The following POLD3 variants were observed in gnomAD, a reference collection of about 807,000 sequenced individuals.
POLD3 encodes the protein DNA polymerase delta subunit 3.
In POLD3, 19 loss-of-function variants were observed where a neutral mutation model predicts 58.2. The ratio of observed to expected loss-of-function variants is 0.33; its 90% confidence interval spans 0.23 to 0.48. POLD3 has a LOEUF of 0.48. POLD3 is among the 20% of genes least tolerant of loss of function. The pLI, the probability that POLD3 is intolerant of heterozygous loss-of-function variation, is 0.99. For missense variants in POLD3, 504 were observed against 545.5 expected, an observed-to-expected ratio of 0.92 and a Z score of 0.76; for synonymous variants, 172 against 193.5, an observed-to-expected ratio of 0.89 and a Z score of 0.92.
At chr11:74,644,326 A>G (rs2032974201), downstream of POLD3, among the ~76,000 whole-genome samples, 1 of 152,156 alleles carries the variant, frequency 6.6e-6, no homozygotes, top group African/African-American at 2.4e-5. Flanking sequence ...CCAGGATCTC[A>G]GTATGCTGTA....
chr11:74,631,529 G>A (rs1310960203), intron 9 of POLD3, among the ~76,000 whole-genome samples: 1 of 146,500 alleles, frequency 6.8e-6, no homozygotes, highest in Non-Finnish European at 1.5e-5. Context: ...GCCCAGGCTG[G>A]AGTGCAGTGG....
chr11:74,631,777 C>T (rs767521776), intron 9 of POLD3, among the ~76,000 whole-genome samples: 37 of 152,188 alleles, frequency 2.4e-4, no homozygotes, highest in African/African-American at 3.9e-4. Flanking sequence ...CCACTGCGCC[C>T]GTCCTGTTTT....
chr11:74,641,734 C>G lies in POLD3; in HGVS notation c.*968C>G. The stretch of plus-strand genomic sequence containing the variant: ...CAGAATATTCAAAAACAGCACTTTT[C>G]CAGGAAGTTAGTGAGGAAGATAAGG... On this transcript the variant is annotated 3_prime_UTR_variant, in exon 12 of 12. Coordinates refer to ENST00000263681, the MANE Select transcript of POLD3 (RefSeq NM_006591.3). 1 of 985,254 alleles carries G rather than the reference C, an allele frequency of 1.0e-6. No individual in the cohort carries two copies. Among genetic ancestry groups the G allele is most frequent in the Non-Finnish European group, 1.2e-6 (1 of 829,846 alleles). 61.0% of individuals were successfully genotyped at this position (985,254 alleles called of 1,614,324 possible).
intron 5 of POLD3, among the ~76,000 whole-genome samples, chr11:74,614,449 G>A (rs1052235834): frequency 2.0e-5 from 3 of 152,172 alleles, no homozygotes; most frequent in Non-Finnish European, 4.4e-5. Context: ...AGTGGCTCAC[G>A]CCTGTAATCC....
At chr11:74,602,064 C>T (rs2031518731) in intron 2 of POLD3, among the ~76,000 whole-genome samples, 1 of 152,082 alleles carries the variant, frequency 6.6e-6, no homozygotes, top group Non-Finnish European at 1.5e-5. Flanking sequence ...GAAGTTGATC[C>T]TTAGGGGATG....
At chr11:74,593,167 T>A (rs1431802488) in intron 1 of POLD3, 1 of 431,604 alleles carries the variant, frequency 2.3e-6, no homozygotes, top group Non-Finnish European at 3.2e-6. Context: ...AGAGGTTTGA[T>A]CCGCTTCACA....
chr11:74,638,393 A>G (rs983916300), intron 11 of POLD3, among the ~76,000 whole-genome samples: 1 of 152,200 alleles, frequency 6.6e-6, no homozygotes, highest in Non-Finnish European at 1.5e-5. Context: ...CATTGATTTC[A>G]TTAATAAGTA....
chr11:74,598,756 T>C (rs971898876), intron 2 of POLD3, among the ~76,000 whole-genome samples: 1 of 152,158 alleles, frequency 6.6e-6, no homozygotes, highest in Admixed American at 6.6e-5. Flanking sequence ...TAGTCGGACT[T>C]CTTACATAGA....
At chr11:74,639,322 A>G (rs2032844376) in intron 11 of POLD3, among the ~76,000 whole-genome samples, 2 of 152,362 alleles carry the variant, frequency 1.3e-5, no homozygotes, top group South Asian at 4.1e-4. Context: ...ACACACATAC[A>G]TTTGATTCCA....
At chr11:74,638,716 A>G (rs1432554020) in intron 11 of POLD3, 5 of 453,416 alleles carry the variant, frequency 1.1e-5, no homozygotes, top group African/African-American at 6.0e-5. Context: ...TTAGAGCAAC[A>G]TTTCTCAAAC....
At chr11:74,604,191 CA>C (rs1243663612) in intron 2 of POLD3, among the ~76,000 whole-genome samples, 1 of 152,072 alleles carries the variant, frequency 6.6e-6, no homozygotes, top group South Asian at 2.1e-4. Context: ...ACACATCTCC[CA>C]AAAAAGCACA....
intron 5 of POLD3, among the ~76,000 whole-genome samples, chr11:74,617,034 A>C (rs1461388174): frequency 6.6e-6 from 1 of 152,248 alleles, no homozygotes; most frequent in Non-Finnish European, 1.5e-5. Flanking sequence ...AAGATAAATA[A>C]GACTTCAAGG....
In POLD3 at chr11:74,634,599, T is replaced by C. The variant is rs761202084; in HGVS notation, c.1023T>C (p.Pro341=). 1 of 1,604,822 alleles carries C rather than the reference T, an allele frequency of 6.2e-7. No homozygotes were observed. The highest frequency in any genetic ancestry group is 8.5e-7 in the Non-Finnish European group (1 of 1,171,618). The stretch of plus-strand genomic sequence containing the variant: ...TTATTTCAGTCTTTCCAGACTCTCC[T>C]GGGGCTTATGAAGCTGAGTCACCAT... ...SSEDEVFPDS[P]GAYEAESPSP... is the part of the protein sequence containing the mutation. Residue 341 remains proline (P), a synonymous_variant, in exon 10 of 12, where the codon CCT becomes CCC. Coordinates refer to ENST00000263681, the MANE Select transcript of POLD3 (RefSeq NM_006591.3).
Position 74,663,798 on chromosome 11 carries a change from A to C in POLD3, c.370-4979A>C, listed in dbSNP as rs142673982. On this transcript the variant is annotated intron_variant, in intron 4 of 4. Transcript: ENST00000524752. ...TTAAACCTTCTGCTAAGCAAAAGAC[A>C]CCATTAAGAAATAAGTAGGAAAACC... Among the ~76,000 whole-genome samples, 68 of 152,308 alleles carry C rather than the reference A, an allele frequency of 4.5e-4. No individual in the cohort carries two copies. The East Asian group carries it at 0.013, about 29-fold the overall frequency.
chr11:74,624,614 A>G (rs1456828046), intron 7 of POLD3, among the ~76,000 whole-genome samples: 1 of 152,212 alleles, frequency 6.6e-6, no homozygotes, highest in African/African-American at 2.4e-5. Flanking sequence ...GCTATCACTA[A>G]GTACAGCGTG....
downstream of POLD3, among the ~76,000 whole-genome samples, chr11:74,646,520 G>T (rs568539577): frequency 6.6e-6 from 1 of 152,302 alleles, no homozygotes; most frequent in East Asian, 1.9e-4. Flanking sequence ...AGAGAGGCTG[G>T]ACTAAAATTA....
chr11:74,607,586 T>G (rs1179292013), intron 3 of POLD3, among the ~76,000 whole-genome samples: 1 of 151,910 alleles, frequency 6.6e-6, no homozygotes, highest in East Asian at 1.9e-4. Flanking sequence ...TTTTTATTTA[T>G]TTATTTATTT....
intron 3 of POLD3, 85 bp from the exon 4 acceptor site, chr11:74,611,414 C>A: frequency 1.3e-6 from 1 of 797,260 alleles, no homozygotes; most frequent in Non-Finnish European, 2.2e-6. Flanking sequence ...AATTTCACAT[C>A]CAAGCACAAT....
At chr11:74,647,965 C>G (rs61900635), downstream of POLD3, among the ~76,000 whole-genome samples, 15,573 of 152,170 alleles carry the variant, frequency 0.1, 926 homozygotes, top group Middle Eastern at 0.17. Flanking sequence ...ATCCTCACAA[C>G]ACTTTATTTA....
Sources: gnomAD v4.1 joint callset for allele counts (sites outside exome capture counted in the v4.1 genomes callset) on GRCh38, gnomAD v4.1.1 for gene constraint, MANE v1.5 for transcripts, NCBI Gene and HGNC (gene_info 2026-07-23, HGNC 2026-07-21) for gene names.